The following RASAL2 variants were observed in gnomAD, a reference collection of about 807,000 sequenced individuals.
The protein encoded by RASAL2 is RAS protein activator like 2.
A neutral mutation model predicts 128.9 loss-of-function variants in RASAL2; 58 were observed. That is an observed-to-expected ratio of 0.45 (90% confidence interval 0.36 to 0.56). The LOEUF (loss-of-function observed/expected upper bound fraction) is 0.56, where lower values mean the gene tolerates loss of function less well. Among genes scored for constraint, RASAL2 ranks in the 20% least tolerant of loss-of-function variants. The probability of loss-of-function intolerance (pLI) is 0.00; values close to 1 mark genes in which losing one functional copy is unlikely to be tolerated. For missense variants in RASAL2, 1,360 were observed against 1,601.6 expected (o/e 0.85, Z 2.57); for synonymous variants, 561 against 580.8 (o/e 0.97, Z 0.49).
chr1:178,426,363 A>G (rs1273090027), intron 5 of RASAL2, among the ~76,000 whole-genome samples: 2 of 152,134 alleles, frequency 1.3e-5, no homozygotes, highest in Non-Finnish European at 2.9e-5. Flanking sequence ...CATGTTTTCA[A>G]CCTTGAAAAC....
chr1:178,207,800 A>G (rs1663110195), intron 1 of RASAL2, among the ~76,000 whole-genome samples: 1 of 152,172 alleles, frequency 6.6e-6, no homozygotes, highest in African/African-American at 2.4e-5. Context: ...GATATTATCT[A>G]TTTATTTTCT....
intron 1 of RASAL2, chr1:178,121,096 C>T (rs1179267795): frequency 6.6e-6 from 1 of 152,144 alleles, no homozygotes; most frequent in Non-Finnish European, 1.5e-5. Context: ...AGGTGAGTAT[C>T]GTCAGACTTA....
chr1:178,160,889 C>T (rs906459443), intron 1 of RASAL2, among the ~76,000 whole-genome samples: 1 of 152,104 alleles, frequency 6.6e-6, no homozygotes, highest in Non-Finnish European at 1.5e-5. Flanking sequence ...TAAGTATGCT[C>T]ATCACTCAGA....
chr1:178,428,854 GA>G (rs1174965797), intron 5 of RASAL2, among the ~76,000 whole-genome samples: 1 of 152,050 alleles, frequency 6.6e-6, no homozygotes, highest in Non-Finnish European at 1.5e-5. Context: ...AAGTATGATA[GA>G]CTACTTACTT....
chr1:178,143,423 C>T (rs943252584), intron 1 of RASAL2, among the ~76,000 whole-genome samples: 4 of 151,606 alleles, frequency 2.6e-5, no homozygotes, highest in African/African-American at 4.8e-5. Flanking sequence ...TTATTCAGGC[C>T]TTTGCTGCAA....
intron 1 of RASAL2, among the ~76,000 whole-genome samples, chr1:178,263,696 G>A (rs1665804199): frequency 6.6e-6 from 1 of 151,978 alleles, no homozygotes; most frequent in South Asian, 2.1e-4. Context: ...AAACGTTTGT[G>A]GTTTGGTAAC....
intron 1 of RASAL2, among the ~76,000 whole-genome samples, chr1:178,242,910 T>A (rs573981839): frequency 6.6e-6 from 1 of 152,298 alleles, no homozygotes; most frequent in African/African-American, 2.4e-5. Flanking sequence ...TGTTTCCAGA[T>A]AATTTCTAAT....
At chr1:178,203,892 G>A (rs1054150883) in intron 1 of RASAL2, among the ~76,000 whole-genome samples, 12 of 152,150 alleles carry the variant, frequency 7.9e-5, no homozygotes, top group African/African-American at 2.9e-4. Flanking sequence ...AACTACAACA[G>A]CCCAATCCAG....
In RASAL2 at chr1:178,452,347, G is replaced by A. The variant is rs1677435159; in HGVS notation, c.1773-69G>A. Reference sequence around the variant, plus strand: ...CTTAAGCAAAAGTATATTGGGTCAGGGTGGAATCACTTGTGCTTGTACTGG... The same window carrying A: ...CTTAAGCAAAAGTATATTGGGTCAGAGTGGAATCACTTGTGCTTGTACTGG... On this transcript the variant is annotated intron_variant, in intron 10 of 17. Transcript: ENST00000367649. 5 of 1,321,576 alleles carry A rather than the reference G, an allele frequency of 3.8e-6. No homozygotes were observed. The East Asian group carries it at 1.2e-4, about 30-fold the overall frequency. 81.9% of individuals were successfully genotyped at this position (1,321,576 alleles called of 1,614,324 possible).
intron 1 of RASAL2, among the ~76,000 whole-genome samples, chr1:178,238,844 A>C (rs1422253524): frequency 2.0e-5 from 3 of 152,056 alleles, no homozygotes; most frequent in Non-Finnish European, 4.4e-5. Flanking sequence ...GGAATGATTT[A>C]TCTGCCTCAG....
chr1:178,212,308 C>T (rs1663281089), intron 1 of RASAL2, among the ~76,000 whole-genome samples: 1 of 152,116 alleles, frequency 6.6e-6, no homozygotes, highest in Non-Finnish European at 1.5e-5. Context: ...ATGTAATGAA[C>T]TATAACAAGC....
intron 12 of RASAL2, 108 bp downstream of exon 12, chr1:178,454,756 C>G: frequency 1.1e-6 from 1 of 905,712 alleles, no homozygotes; most frequent in Non-Finnish European, 1.7e-6. Flanking sequence ...CAACTGTTTA[C>G]CCTAGAAATC....
intron 1 of RASAL2, among the ~76,000 whole-genome samples, chr1:178,118,062 G>A (rs1292003502): frequency 6.6e-6 from 1 of 151,912 alleles, no homozygotes; most frequent in Non-Finnish European, 1.5e-5. Context: ...TACTTAGGAG[G>A]TTGAGGCAGG....
rs188665800 is a variant in RASAL2 at position 178,293,573 on chromosome 1, G to T, written c.331-6419G>T. Among the ~76,000 whole-genome samples the T allele has an allele frequency of 2.0e-4, 30 of 152,206 alleles. No individual in the cohort carries two copies. In the East Asian group the frequency reaches 5.8e-3, roughly 29 times the overall value. On this transcript the variant is annotated intron_variant, in intron 2 of 17. Transcript: ENST00000367649. Reference sequence around the variant, plus strand: ...CCATCCCTTTTCTCCCTATTAAGAGGCTCTAGCCAAATTGGCCTACTCCCT... The same window carrying T: ...CCATCCCTTTTCTCCCTATTAAGAGTCTCTAGCCAAATTGGCCTACTCCCT...
chr1:178,119,430 CGTT>C (rs940528464), intron 1 of RASAL2, among the ~76,000 whole-genome samples: 4 of 152,162 alleles, frequency 2.6e-5, no homozygotes, highest in African/African-American at 9.7e-5. Flanking sequence ...TCCTGCAAAA[CGTT>C]GTTAAGTTCA....
At chr1:178,353,931 A>C (rs1670655340) in intron 3 of RASAL2, among the ~76,000 whole-genome samples, 1 of 152,118 alleles carries the variant, frequency 6.6e-6, no homozygotes, top group Non-Finnish European at 1.5e-5. Flanking sequence ...AGATTGTGCC[A>C]CTGCACTCCA....
chr1:178,323,641 T>A (rs188425686), intron 3 of RASAL2, among the ~76,000 whole-genome samples: 27 of 152,312 alleles, frequency 1.8e-4, no homozygotes, highest in African/African-American at 6.5e-4. Flanking sequence ...TTGGTTAATA[T>A]CATAACCATA....
At chr1:178,262,056 C>G (rs2102137119) in intron 1 of RASAL2, among the ~76,000 whole-genome samples, 1 of 152,120 alleles carries the variant, frequency 6.6e-6, no homozygotes, top group South Asian at 2.1e-4. Flanking sequence ...TCTTAATCCT[C>G]TTTTTTTGGT....
chr1:178,162,609 A>C (rs1661368123), intron 1 of RASAL2, among the ~76,000 whole-genome samples: 1 of 143,984 alleles, frequency 6.9e-6, no homozygotes, highest in Admixed American at 7.3e-5. Flanking sequence ...CATATTTTTG[A>C]GACTGAGTCT....
Sources: allele counts gnomAD v4.1 joint callset (sites outside exome capture counted in the v4.1 genomes callset), GRCh38; gene constraint gnomAD v4.1.1; transcripts MANE v1.5; gene names NCBI Gene and HGNC (gene_info 2026-07-23, HGNC 2026-07-21).